BMPR1A: variants seen among roughly 807,000 people sequenced by gnomAD.
The protein encoded by BMPR1A is bone morphogenetic protein receptor type-1A.
BMPR1A carries 7 observed loss-of-function variants against 66.0 expected under a neutral mutation model. The ratio of observed to expected loss-of-function variants is 0.11; its 90% CI spans 0.06 to 0.20. The LOEUF (loss-of-function observed/expected upper bound fraction) is 0.20, where lower values mean the gene tolerates loss of function less well. BMPR1A is among the 10% of genes least tolerant of loss of function. The pLI is 1.00. For missense variants in BMPR1A, 408 were observed against 669.1 expected (o/e 0.61, Z 4.31); for synonymous variants, 200 against 229.7 (o/e 0.87, Z 1.17).
At chr10:86,896,804 C>T (rs1843229782) in intron 5 of BMPR1A, among the ~76,000 whole-genome samples, 1 of 152,164 alleles carries the variant, frequency 6.6e-6, no homozygotes, top group African/African-American at 2.4e-5. Flanking sequence ...TTAAGTGTCA[C>T]CTGAAAAATA....
intron 3 of BMPR1A, among the ~76,000 whole-genome samples, chr10:86,884,480 C>G (rs578183898): frequency 4.1e-5 from 5 of 121,794 alleles, no homozygotes; most frequent in Non-Finnish European, 6.4e-5. Context: ...TTGGTGTGAT[C>G]TTGTCTCACT....
At chr10:86,864,294 C>T (rs917087951) in intron 2 of BMPR1A, among the ~76,000 whole-genome samples, 10 of 151,988 alleles carry the variant, frequency 6.6e-5, no homozygotes, top group African/African-American at 1.2e-4. Context: ...GACACCGACA[C>T]GACAAAAAAA....
chr10:86,913,082 GT>G (rs1267558557), intron 8 of BMPR1A, among the ~76,000 whole-genome samples: 1 of 151,846 alleles, frequency 6.6e-6, no homozygotes, highest in African/African-American at 2.4e-5. Context: ...AATTGTATTA[GT>G]TGAAAGAAAC....
intron 2 of BMPR1A, among the ~76,000 whole-genome samples, chr10:86,867,755 T>C (rs1842804037): frequency 6.6e-6 from 1 of 152,190 alleles, no homozygotes. Context: ...AATGTTGAGG[T>C]CCTGGTGAAG....
At chr10:86,897,459 A>G (rs1224102270) in intron 5 of BMPR1A, among the ~76,000 whole-genome samples, 4 of 152,206 alleles carry the variant, frequency 2.6e-5, no homozygotes, top group Middle Eastern at 3.4e-3. Context: ...GTCTTTAGGG[A>G]CTTAGAAGTT....
intron 3 of BMPR1A, among the ~76,000 whole-genome samples, chr10:86,883,150 C>G (rs1564712558): frequency 6.6e-6 from 1 of 152,074 alleles, no homozygotes; most frequent in Non-Finnish European, 1.5e-5. Context: ...CCCACGTCAC[C>G]CTTGGATTAT....
intron 1 of BMPR1A, among the ~76,000 whole-genome samples, chr10:86,800,096 G>A (rs1466880000): frequency 6.6e-6 from 1 of 152,090 alleles, no homozygotes; most frequent in Admixed American, 6.5e-5. Flanking sequence ...CATGTTTTTG[G>A]CTTATAATGT....
chr10:86,929,827 A>G (rs1843791381), downstream of BMPR1A: 1 of 152,258 alleles, frequency 6.6e-6, no homozygotes, highest in Admixed American at 6.5e-5. Context: ...AACAGAGCAG[A>G]CATTAAGAAA....
chr10:86,931,298 C>CACACACACATATAT, downstream of BMPR1A: 6 of 90,920 alleles, frequency 6.6e-5, 1 homozygote, highest in East Asian at 1.8e-3. Flanking sequence ...CACACACACA[C>CACACACACATATAT]ATATATATAT....
At chr10:86,830,328 A>C (rs1015205117) in intron 1 of BMPR1A, among the ~76,000 whole-genome samples, 2 of 152,244 alleles carry the variant, frequency 1.3e-5, no homozygotes, top group African/African-American at 4.8e-5. Flanking sequence ...GGAAGTACAC[A>C]GATAGGCCTG....
intron 1 of BMPR1A, among the ~76,000 whole-genome samples, chr10:86,770,499 A>G (rs1841239166): frequency 6.6e-6 from 1 of 152,144 alleles, no homozygotes; most frequent in South Asian, 2.1e-4. Flanking sequence ...GTCATGAAAG[A>G]ACCCCACTTG....
At chr10:86,833,771 A>T (rs1032104527) in intron 1 of BMPR1A, among the ~76,000 whole-genome samples, 1 of 152,234 alleles carries the variant, frequency 6.6e-6, no homozygotes. Context: ...TGTGTAGGGA[A>T]CAACTAAATT....
In BMPR1A at chr10:86,926,548, A is replaced by C. The variant is rs76026587; in HGVS notation, c.*2829A>C. ...TAAACAAACAAATAAATAACAAAAA[A>C]CAAAAATGTTGCATTAAACTTAGTT... On this transcript the variant is annotated 3_prime_UTR_variant, in exon 13 of 13. Coordinates refer to ENST00000372037, the MANE Select transcript of BMPR1A (RefSeq NM_004329.3). 1,736 of 175,764 alleles carry C rather than the reference A, an allele frequency of 9.9e-3. 33 individuals carry two copies. The highest frequency in any genetic ancestry group is 0.037 in the African/African-American group (1,555 of 42,288). The allele number at this position is 175,764 out of a possible 1,614,324, so 10.9% of individuals were successfully genotyped here.
In BMPR1A at chr10:86,899,884, G is replaced by C. The variant is rs1564717740; in HGVS notation, c.424G>C (p.Val142Leu). Reference sequence around the variant, plus strand: ...TTTGCAACCCACACTGCCCCCTGTTGTCATAGGTAGGTTAGCCGAGAAAAG... The same window carrying C: ...TTTGCAACCCACACTGCCCCCTGTTCTCATAGGTAGGTTAGCCGAGAAAAG... ...QYLQPTLPPV[V>L]IGPFFDGSIR... Residue 142 changes from valine (V) to leucine (L), a missense_variant, in exon 6 of 13, where the codon GTC becomes CTC. This residue lies in a region of BMPR1A where 174 missense variants were observed against 265.1 expected (regional missense o/e 0.66). Transcript: ENST00000372037. 6.2e-7 allele frequency: 1 copy of C among 1,614,028 alleles called. No homozygotes were observed. The highest frequency in any genetic ancestry group is 8.5e-7 in the Non-Finnish European group (1 of 1,179,878).
chr10:86,845,526 C>G (rs1460123974), intron 2 of BMPR1A, among the ~76,000 whole-genome samples: 1 of 152,226 alleles, frequency 6.6e-6, no homozygotes, highest in East Asian at 1.9e-4. Flanking sequence ...CCACTTGAGT[C>G]AGGTGCTGTG....
At chr10:86,758,526 C>T (rs1847916835) in intron 1 of BMPR1A, among the ~76,000 whole-genome samples, 1 of 152,082 alleles carries the variant, frequency 6.6e-6, no homozygotes, top group Admixed American at 6.6e-5. Flanking sequence ...TTTACAAAAA[C>T]CTTTTCTTAA....
intron 1 of BMPR1A, among the ~76,000 whole-genome samples, chr10:86,764,133 G>T (rs982120812): frequency 5.3e-5 from 8 of 152,142 alleles, no homozygotes; most frequent in African/African-American, 1.9e-4. Context: ...ATTAAGATTT[G>T]TAGGTAGTTT....
chr10:86,791,518 G>A (rs1415862843), intron 1 of BMPR1A, among the ~76,000 whole-genome samples: 3 of 150,864 alleles, frequency 2.0e-5, no homozygotes, highest in Admixed American at 6.6e-5. Flanking sequence ...AGCCCTCAGT[G>A]CTTTCTTGAA....
At chr10:86,919,837 A>C (rs1319731078) in intron 10 of BMPR1A, among the ~76,000 whole-genome samples, 4 of 152,102 alleles carry the variant, frequency 2.6e-5, no homozygotes, top group Non-Finnish European at 5.9e-5. Context: ...CCTCCTGAGT[A>C]GCTGGGACTA....
Sources: allele counts gnomAD v4.1 joint callset (sites outside exome capture counted in the v4.1 genomes callset), GRCh38; gene constraint gnomAD v4.1.1; regional missense constraint gnomAD v4.1.1; transcripts MANE v1.5; gene names NCBI Gene and HGNC (gene_info 2026-07-23, HGNC 2026-07-21).